CARF: variants seen among roughly 807,000 people sequenced by gnomAD.
CARF encodes the protein calcium responsive transcription factor.
In CARF, 57 loss-of-function variants were observed where a neutral mutation model predicts 82.0. The ratio of observed to expected loss-of-function variants is 0.70; its 90% CI spans 0.56 to 0.87. CARF has a LOEUF of 0.87. Among genes scored for constraint, CARF ranks in the 40% least tolerant of loss-of-function variants. The probability of loss-of-function intolerance (pLI) is 0.00; values close to 1 mark genes in which losing one functional copy is unlikely to be tolerated. For synonymous variants in CARF, 268 were observed against 290.1 expected (o/e 0.92, Z 0.77); for missense variants, 771 against 855.8 (o/e 0.90, Z 1.24).
Position 202,961,334 on chromosome 2 carries a change from C to A in CARF, c.740C>A (p.Thr247Asn). 1 of 1,614,144 alleles carries A rather than the reference C, an allele frequency of 6.2e-7. No homozygotes were observed. Among genetic ancestry groups the A allele is most frequent in the Non-Finnish European group, 8.5e-7 (1 of 1,179,998 alleles). The change falls in exon 9 of 17, where the codon ACC (threonine) becomes AAC (asparagine). Residue 247 changes from threonine (T) to asparagine (N), a missense_variant. Transcript: ENST00000438828. ...HKQQTQSVWG[T>N]RQSPSPAKPA... Reference sequence around the variant, plus strand: ...CAGCAAACACAGAGTGTTTGGGGGACCCGTCAGTCTCCAAGCCCAGCCAAG... The same window carrying A: ...CAGCAAACACAGAGTGTTTGGGGGAACCGTCAGTCTCCAAGCCCAGCCAAG...
chr2:202,974,205 T>C lies in CARF; in HGVS notation c.1332-129T>C, dbSNP rs900773682. 8.5e-6 allele frequency: 5 copies of C among 586,618 alleles called. No homozygotes were observed. The Admixed American group carries it at 1.2e-4, about 15-fold the overall frequency. The allele number at this position is 586,618 out of a possible 1,614,324, so 36.3% of individuals were successfully genotyped here. A position where few individuals can be genotyped will look rare whatever the true frequency, so the allele number is the denominator to read the frequency against. On this transcript the variant is annotated intron_variant, in intron 12 of 16. Transcript: ENST00000438828. ...TGGAAAAAGTTTAAATAGGAAAATA[T>C]AAATTACTTACAGAGCTATAAACCA...
At chr2:202,918,137 T>C (rs1690069937) in intron 2 of CARF, 94 bp downstream of exon 2, 1 of 372,294 alleles carries the variant, frequency 2.7e-6, no homozygotes, top group Non-Finnish European at 5.2e-6. Flanking sequence ...ACCCTTTGTA[T>C]ATAGGTGCTT....
chr2:202,976,667 T>C (rs2060042536), intron 13 of CARF, among the ~76,000 whole-genome samples: 1 of 151,886 alleles, frequency 6.6e-6, no homozygotes, highest in Admixed American at 6.6e-5. Flanking sequence ...TGAAAAAATA[T>C]GGATATTTTA....
At position 202,982,194 on chromosome 2, in the gene CARF, T is replaced by C; in HGVS notation, c.1812T>C (p.Asn604=). 6.2e-7 allele frequency: 1 copy of C among 1,614,186 alleles called. No homozygotes were observed. The highest frequency in any genetic ancestry group is 1.3e-5 in the African/African-American group (1 of 75,058). Reference sequence around the variant, plus strand: ...ATACAATAGGAAGTGCTGTAATGAATAATAATTCTCTACTGCTTGGTCAAA... The same window carrying C: ...ATACAATAGGAAGTGCTGTAATGAACAATAATTCTCTACTGCTTGGTCAAA... ...LLDTIGSAVM[N]NNSLLLGQSH... The change falls in exon 16 of 17, where the codon AAT becomes AAC. Residue 604 remains asparagine (N), a synonymous_variant. Coordinates refer to ENST00000438828, the MANE Select transcript of CARF (RefSeq NM_024744.17).
chr2:202,979,199 G>C (rs1296532864), intron 14 of CARF, among the ~76,000 whole-genome samples: 1 of 151,822 alleles, frequency 6.6e-6, no homozygotes, highest in Non-Finnish European at 1.5e-5. Context: ...AGAGGTTGCA[G>C]TGAGCTGAGA....
chr2:202,922,628 CCTCTT>C (rs1201770029), intron 2 of CARF, among the ~76,000 whole-genome samples: 1 of 151,950 alleles, frequency 6.6e-6, no homozygotes, highest in Non-Finnish European at 1.5e-5. Context: ...CATGTGGAAA[CCTCTT>C]CTCTTCTAAA....
At chr2:202,967,238 C>T in intron 10 of CARF, 140 bp downstream of exon 10, 4 of 936,444 alleles carry the variant, frequency 4.3e-6, no homozygotes, top group Non-Finnish European at 6.2e-6. Context: ...TTTGTTCTGT[C>T]TTTAAAGCAA....
intron 3 of CARF, among the ~76,000 whole-genome samples, chr2:202,933,409 G>A (rs555972941): frequency 1.1e-4 from 17 of 152,316 alleles, no homozygotes; most frequent in African/African-American, 3.8e-4. Flanking sequence ...TCTCGGGGTA[G>A]CACAGCAGTG....
At chr2:202,967,804 C>A (rs1363004525) in intron 10 of CARF, among the ~76,000 whole-genome samples, 1 of 152,030 alleles carries the variant, frequency 6.6e-6, no homozygotes, top group Non-Finnish European at 1.5e-5. Context: ...TGCAAAGTTG[C>A]TTTTTAGAGC....
At chr2:202,913,649 A>G (rs547637852) in intron 1 of CARF, among the ~76,000 whole-genome samples, 1 of 152,350 alleles carries the variant, frequency 6.6e-6, no homozygotes, top group Non-Finnish European at 1.5e-5. Flanking sequence ...GAGGATTTAC[A>G]CATTAAATAA....
intron 9 of CARF, among the ~76,000 whole-genome samples, chr2:202,963,515 A>G (rs1056950516): frequency 1.3e-5 from 2 of 152,186 alleles, no homozygotes; most frequent in Admixed American, 1.3e-4. Flanking sequence ...TGTGGAAGAC[A>G]GTTTTTCCAC....
intron 12 of CARF, among the ~76,000 whole-genome samples, chr2:202,972,674 TA>T (rs35376227): frequency 0.11 from 10,977 of 102,682 alleles, 515 homozygotes; most frequent in Non-Finnish European, 0.14. Flanking sequence ...AGACTCCGTC[TA>T]AAAAAAAAAA....
At chr2:202,943,593 C>CACACACAG (rs1257464368) in intron 5 of CARF, among the ~76,000 whole-genome samples, 3 of 138,044 alleles carry the variant, frequency 2.2e-5, no homozygotes, top group African/African-American at 8.0e-5. Context: ...AATGTACACA[C>CACACACAG]ACACACACAC....
chr2:202,972,330 C>T (rs2059821466), intron 12 of CARF, among the ~76,000 whole-genome samples: 1 of 151,808 alleles, frequency 6.6e-6, no homozygotes, highest in African/African-American at 2.4e-5. Flanking sequence ...TATATTTATC[C>T]CAATTCTACA....
chr2:202,948,261 T>C (rs1352481987), intron 5 of CARF, among the ~76,000 whole-genome samples: 1 of 152,224 alleles, frequency 6.6e-6, no homozygotes, highest in African/African-American at 2.4e-5. Context: ...TGTAGCCTTG[T>C]AGTATAGTTT....
At chr2:202,948,353 A>T (rs2058598668) in intron 5 of CARF, among the ~76,000 whole-genome samples, 1 of 152,182 alleles carries the variant, frequency 6.6e-6, no homozygotes, top group East Asian at 1.9e-4. Flanking sequence ...TTGGTTCTAT[A>T]TGAGTTTTAA....
chr2:202,926,277 C>G (rs995142761), intron 3 of CARF, among the ~76,000 whole-genome samples: 1 of 152,112 alleles, frequency 6.6e-6, no homozygotes, highest in Non-Finnish European at 1.5e-5. Flanking sequence ...TTTTCATGCT[C>G]GCAACTGAAA....
intron 3 of CARF, chr2:202,925,305 C>G (rs1013573125): frequency 8.5e-6 from 3 of 352,982 alleles, no homozygotes; most frequent in African/African-American, 6.3e-5. Flanking sequence ...AGATCAACTT[C>G]CTCATTCAGC....
At chr2:202,919,098 C>T (rs1183571437) in intron 2 of CARF, among the ~76,000 whole-genome samples, 2 of 152,150 alleles carry the variant, frequency 1.3e-5, no homozygotes, top group Admixed American at 6.5e-5. Flanking sequence ...CCTGTGCAGG[C>T]CTGCTGAATC....
Sources: allele counts gnomAD v4.1 joint callset (sites outside exome capture counted in the v4.1 genomes callset), GRCh38; gene constraint gnomAD v4.1.1; transcripts MANE v1.5; gene names NCBI Gene and HGNC (gene_info 2026-07-23, HGNC 2026-07-21).